STAG1: variants seen among roughly 807,000 people sequenced by gnomAD.
The protein encoded by STAG1 is cohesin subunit SA-1.
In STAG1, 26 loss-of-function variants were observed where a neutral mutation model predicts 170.9. That is an observed-to-expected ratio of 0.15 (90% CI 0.11 to 0.21). STAG1 has a LOEUF of 0.21. STAG1 is among the 10% of genes least tolerant of loss of function. The probability of loss-of-function intolerance (pLI) is 1.00; values close to 1 mark genes in which losing one functional copy is unlikely to be tolerated. For missense variants in STAG1, 964 were observed against 1,509.5 expected, an observed-to-expected ratio of 0.64 and a Z score of 5.99; for synonymous variants, 514 against 497.7, an observed-to-expected ratio of 1.03 and a Z score of -0.44.
chr3:136,472,336 T>C (rs2107812437), intron 12 of STAG1, 77 bp downstream of exon 12: 1 of 974,570 alleles, frequency 1.0e-6, no homozygotes, highest in Non-Finnish European at 1.6e-6. Flanking sequence ...GGACTATATA[T>C]AGATAGGACA....
intron 12 of STAG1, among the ~76,000 whole-genome samples, chr3:136,471,626 T>C (rs1221801331): frequency 2.0e-5 from 3 of 152,214 alleles, no homozygotes; most frequent in Non-Finnish European, 2.9e-5. Context: ...TGTATGACTT[T>C]GCTAGGATAT....
chr3:136,654,322 A>G (rs1941305740), intron 1 of STAG1, among the ~76,000 whole-genome samples: 1 of 152,236 alleles, frequency 6.6e-6, no homozygotes, highest in African/African-American at 2.4e-5. Flanking sequence ...CATAAAAAAA[A>G]TCAGTTGCAT....
intron 1 of STAG1, among the ~76,000 whole-genome samples, chr3:136,680,925 C>T (rs1219240088): frequency 7.2e-6 from 1 of 139,140 alleles, no homozygotes; most frequent in Non-Finnish European, 1.5e-5. Flanking sequence ...TCCACAGATG[C>T]TCAAGTGCCT....
intron 14 of STAG1, among the ~76,000 whole-genome samples, chr3:136,446,804 T>C (rs1412810714): frequency 6.6e-6 from 1 of 151,356 alleles, no homozygotes; most frequent in Non-Finnish European, 1.5e-5. Context: ...TTAATTTCTC[T>C]TTCATATTTT....
chr3:136,519,062 C>G (rs1267460623), intron 7 of STAG1, among the ~76,000 whole-genome samples: 2 of 151,872 alleles, frequency 1.3e-5, no homozygotes, highest in African/African-American at 2.4e-5. Flanking sequence ...AAAAGGAGAG[C>G]TGAAATGGCA....
At chr3:136,649,430 G>A (rs1165611050) in intron 1 of STAG1, among the ~76,000 whole-genome samples, 1 of 146,704 alleles carries the variant, frequency 6.8e-6, no homozygotes, top group African/African-American at 2.5e-5. Flanking sequence ...AGTGAGTGGA[G>A]ATGGCGCCAC....
intron 13 of STAG1, among the ~76,000 whole-genome samples, chr3:136,454,182 G>T (rs751405534): frequency 1.3e-5 from 2 of 152,042 alleles, no homozygotes; most frequent in African/African-American, 2.4e-5. Flanking sequence ...AGATTCAAGC[G>T]ATTCTCATGC....
intron 7 of STAG1, among the ~76,000 whole-genome samples, chr3:136,507,685 CAT>C (rs1933837752): frequency 1.3e-5 from 2 of 152,108 alleles, no homozygotes; most frequent in Admixed American, 1.3e-4. Flanking sequence ...AATTTTAAAT[CAT>C]GTGACTATAT....
At chr3:136,406,314 G>A (rs569996398) in intron 21 of STAG1, among the ~76,000 whole-genome samples, 177 of 152,300 alleles carry the variant, frequency 1.2e-3, no homozygotes, top group African/African-American at 3.9e-3. Flanking sequence ...GTTACATGCT[G>A]TATGATTTCA....
In STAG1 at chr3:136,570,301, A is replaced by G. The variant is rs554347162; in HGVS notation, c.298-1440T>C. Among the ~76,000 whole-genome samples, 3 of 152,316 alleles carry G rather than the reference A, an allele frequency of 2.0e-5. No homozygotes were observed. In the South Asian group the frequency reaches 6.2e-4, roughly 32 times the overall value. On this transcript the variant is annotated intron_variant, in intron 4 of 33. Transcript: ENST00000383202. ...TGATATTGAAACTCATATAAATGATATCATCTTTTTTTATTTCTTTCAAGC... is the reference window on the plus strand; with the variant it reads ...TGATATTGAAACTCATATAAATGATGTCATCTTTTTTTATTTCTTTCAAGC...
chr3:136,485,845 A>G (rs887400087), intron 9 of STAG1, among the ~76,000 whole-genome samples: 1 of 152,188 alleles, frequency 6.6e-6, no homozygotes, highest in Non-Finnish European at 1.5e-5. Context: ...TAAAGCTCTG[A>G]TGTTTTAATT....
rs563933238 is a variant in STAG1 at position 136,577,078 on chromosome 3, G to A, written c.298-8217C>T. Among the ~76,000 whole-genome samples the A allele has an allele frequency of 4.6e-5, 7 of 152,240 alleles. No individual in the cohort carries two copies. The South Asian group carries it at 1.5e-3, about 32-fold the overall frequency. On this transcript the variant is annotated intron_variant, in intron 4 of 33. Transcript: ENST00000383202. ...TGATTGTGATAAAGTACCAATTCAA[G>A]CACATGCCTTGAAAGCTTACATGGC...
chr3:136,692,923 GC>G (rs1483681005), intron 1 of STAG1, among the ~76,000 whole-genome samples: 1 of 152,198 alleles, frequency 6.6e-6, no homozygotes, highest in Non-Finnish European at 1.5e-5. Flanking sequence ...TGATGATGTG[GC>G]CCATAAAGAG....
At chr3:136,630,425 AT>A (rs1461173265) in intron 2 of STAG1, among the ~76,000 whole-genome samples, 1 of 152,198 alleles carries the variant, frequency 6.6e-6, no homozygotes, top group African/African-American at 2.4e-5. Flanking sequence ...ATGGTATAAG[AT>A]AGGTGACACC....
intron 21 of STAG1, among the ~76,000 whole-genome samples, chr3:136,409,850 G>C (rs969606986): frequency 4.6e-5 from 7 of 152,070 alleles, no homozygotes; most frequent in Admixed American, 3.9e-4. Context: ...GGCAGTGGTG[G>C]GAGGATCCCA....
At chr3:136,615,499 G>A (rs1245705320) in intron 3 of STAG1, among the ~76,000 whole-genome samples, 1 of 150,440 alleles carries the variant, frequency 6.6e-6, no homozygotes, top group Admixed American at 6.7e-5. Flanking sequence ...ACATATTCGT[G>A]GCCGGTCGGT....
At chr3:136,666,026 G>A (rs1252785336) in intron 1 of STAG1, among the ~76,000 whole-genome samples, 1 of 136,730 alleles carries the variant, frequency 7.3e-6, no homozygotes, top group Non-Finnish European at 1.5e-5. Context: ...AGTGCGCCGA[G>A]ATTGCGCCAC....
chr3:136,342,501 G>A, intron 30 of STAG1, among the ~76,000 whole-genome samples: 1 of 151,514 alleles, frequency 6.6e-6, no homozygotes, highest in Admixed American at 6.6e-5. Context: ...TGGTGGTGGT[G>A]TTGAGACAGA....
At chr3:136,390,766 C>T (rs1205230027) in intron 22 of STAG1, among the ~76,000 whole-genome samples, 1 of 152,198 alleles carries the variant, frequency 6.6e-6, no homozygotes, top group African/African-American at 2.4e-5. Context: ...TTTGTTATTA[C>T]AGGAATTCCG....
Sources: gnomAD v4.1 joint callset for allele counts (sites outside exome capture counted in the v4.1 genomes callset) on GRCh38, gnomAD v4.1.1 for gene constraint, MANE v1.5 for transcripts, NCBI Gene and HGNC (gene_info 2026-07-23, HGNC 2026-07-21) for gene names.